PCDH9: variants seen among roughly 807,000 people sequenced by gnomAD.
PCDH9 encodes protocadherin-9.
Under a neutral mutation model 70.6 loss-of-function variants are expected in PCDH9, and 24 were observed. That is an observed-to-expected ratio of 0.34 (90% CI 0.25 to 0.48). The LOEUF (loss-of-function observed/expected upper bound fraction) is 0.48. Among genes scored for constraint, PCDH9 ranks in the 20% least tolerant of loss-of-function variants. The pLI, the probability that PCDH9 is intolerant of heterozygous loss-of-function variation, is 0.99. For missense variants in PCDH9, 1,281 were observed against 1,503.6 expected (o/e 0.85, Z 2.45); for synonymous variants, 562 against 558.5 (o/e 1.01, Z -0.09).
chr13:67,050,532 C>A (rs564606968), intron 2 of PCDH9, among the ~76,000 whole-genome samples: 1 of 152,080 alleles, frequency 6.6e-6, no homozygotes, highest in Non-Finnish European at 1.5e-5. Flanking sequence ...AAGAGTAGAA[C>A]CCAGTGTCTA....
intron 4 of PCDH9, among the ~76,000 whole-genome samples, chr13:66,553,162 T>C (rs560536950): frequency 6.6e-6 from 1 of 152,194 alleles, no homozygotes; most frequent in East Asian, 1.9e-4. Context: ...ACTATACCAG[T>C]CAAAAAGAAC....
At chr13:66,775,875 A>T (rs2079884014) in intron 3 of PCDH9, among the ~76,000 whole-genome samples, 1 of 152,128 alleles carries the variant, frequency 6.6e-6, no homozygotes, top group African/African-American at 2.4e-5. Context: ...TTGACCCTTT[A>T]GATGAAGACT....
intron 4 of PCDH9, among the ~76,000 whole-genome samples, chr13:66,563,516 C>T (rs1397740273): frequency 1.3e-5 from 2 of 152,112 alleles, no homozygotes; most frequent in Non-Finnish European, 2.9e-5. Flanking sequence ...TTCACAATGG[C>T]TTCTCCTTAT....
intron 4 of PCDH9, among the ~76,000 whole-genome samples, chr13:66,589,972 A>G (rs779372596): frequency 1.3e-5 from 2 of 151,996 alleles, no homozygotes; most frequent in Non-Finnish European, 2.9e-5. Context: ...ATAATTTTTT[A>G]AAAGTATGAT....
intron 3 of PCDH9, among the ~76,000 whole-genome samples, chr13:66,823,722 T>C (rs74093620): frequency 0.049 from 7,510 of 152,184 alleles, 613 homozygotes; most frequent in African/African-American, 0.17. Context: ...CATCTCAGCA[T>C]TGGTGCTATA....
chr13:66,317,751 T>G (rs1955679147), intron 4 of PCDH9, among the ~76,000 whole-genome samples: 1 of 152,140 alleles, frequency 6.6e-6, no homozygotes, highest in Non-Finnish European at 1.5e-5. Context: ...AAAAAAAAGA[T>G]GATTAGCAAA....
chr13:66,583,983 A>G (rs985520955), intron 4 of PCDH9, among the ~76,000 whole-genome samples: 1 of 152,090 alleles, frequency 6.6e-6, no homozygotes, highest in Non-Finnish European at 1.5e-5. Flanking sequence ...TGCTTTGTGT[A>G]TGTTTTCTCT....
intron 2 of PCDH9, chr13:67,221,354 A>G (rs2089720251): frequency 6.6e-6 from 1 of 152,132 alleles, no homozygotes. Context: ...AAAAGTAATC[A>G]TAAATGTAAT....
At chr13:66,435,871 A>C (rs1364067986) in intron 4 of PCDH9, among the ~76,000 whole-genome samples, 4 of 152,130 alleles carry the variant, frequency 2.6e-5, no homozygotes, top group Non-Finnish European at 5.9e-5. Flanking sequence ...TGGAGAAGAA[A>C]GTTATTTTCT....
At chr13:67,192,006 A>G (rs1593595662) in intron 2 of PCDH9, among the ~76,000 whole-genome samples, 2 of 7,394 alleles carry the variant, frequency 2.7e-4, no homozygotes, top group African/African-American at 3.8e-4. Flanking sequence ...CCTATTTCAG[A>G]AAAAAAAAAA....
At chr13:66,325,415 A>C (rs959597653) in intron 4 of PCDH9, among the ~76,000 whole-genome samples, 14 of 152,006 alleles carry the variant, frequency 9.2e-5, no homozygotes, top group Non-Finnish European at 1.5e-4. Context: ...TCTGTATCCT[A>C]TGAGATGGGG....
At chr13:67,034,248 G>A (rs1286437129) in intron 2 of PCDH9, among the ~76,000 whole-genome samples, 1 of 152,106 alleles carries the variant, frequency 6.6e-6, no homozygotes, top group Non-Finnish European at 1.5e-5. Flanking sequence ...CTCCCAAAGT[G>A]CTGGGATTAC....
At chr13:66,695,308 ACTGT>A (rs2078546528) in intron 3 of PCDH9, among the ~76,000 whole-genome samples, 1 of 152,204 alleles carries the variant, frequency 6.6e-6, no homozygotes, top group Admixed American at 6.5e-5. Context: ...GGCCTGTGAC[ACTGT>A]CTATTTTCAA....
At chr13:66,342,442 A>G (rs377484219) in intron 4 of PCDH9, among the ~76,000 whole-genome samples, 9 of 152,210 alleles carry the variant, frequency 5.9e-5, no homozygotes, top group East Asian at 3.8e-4. Context: ...TATGCCAGAC[A>G]TTACATGTAT....
chr13:67,140,448 T>G (rs2087353660), intron 2 of PCDH9, among the ~76,000 whole-genome samples: 1 of 152,206 alleles, frequency 6.6e-6, no homozygotes, highest in African/African-American at 2.4e-5. Context: ...AAGAGAATGA[T>G]AATGACAAGT....
chr13:66,622,445 C>G (rs1241411469), intron 4 of PCDH9, among the ~76,000 whole-genome samples: 6 of 152,094 alleles, frequency 3.9e-5, no homozygotes, highest in African/African-American at 1.4e-4. Context: ...ACCTTTGTGT[C>G]TAGCTCAGGG....
Position 67,197,311 on chromosome 13 carries a change from A to T in PCDH9, c.3036+28094T>A, listed in dbSNP as rs78207320. 6.2e-4 allele frequency among the ~76,000 whole-genome samples: 95 copies of T among 152,110 alleles called. No homozygotes were observed. In the East Asian group the frequency reaches 0.018, roughly 28 times the overall value. On this transcript the variant is annotated intron_variant, in intron 2 of 4. Coordinates refer to ENST00000377865, the MANE Select transcript of PCDH9 (RefSeq NM_203487.3). ...TTATCTCATTTTTATATTGTACAAG[A>T]TAAGGAAGCTAAACTGTTTCAAGGT... is the stretch of plus-strand genomic sequence containing the variant.
chr13:66,937,720 C>CAT (rs2082939756), intron 2 of PCDH9, among the ~76,000 whole-genome samples: 2 of 152,294 alleles, frequency 1.3e-5, no homozygotes, highest in South Asian at 4.1e-4. Flanking sequence ...CACTCATAGA[C>CAT]TGCTGAATGT....
intron 3 of PCDH9, among the ~76,000 whole-genome samples, chr13:66,665,306 C>T (rs1024602617): frequency 8.5e-5 from 13 of 152,058 alleles, no homozygotes; most frequent in African/African-American, 2.7e-4. Context: ...ACCATGTTGG[C>T]CAGTCTGGTC....
Sources: allele counts gnomAD v4.1 joint callset (sites outside exome capture counted in the v4.1 genomes callset), GRCh38; gene constraint gnomAD v4.1.1; transcripts MANE v1.5; gene names NCBI Gene and HGNC (gene_info 2026-07-23, HGNC 2026-07-21).